The following LRRC74A variants were observed in gnomAD, a reference collection of about 807,000 sequenced individuals.
LRRC74A encodes the protein leucine-rich repeat-containing protein 74A.
A neutral mutation model predicts 57.9 loss-of-function variants in LRRC74A; 44 were observed. The observed-to-expected ratio is 0.76, with a 90% CI of 0.60 to 0.98. LRRC74A has a LOEUF of 0.98. Among genes scored for constraint, LRRC74A ranks in the 50% least tolerant of loss-of-function variants. The pLI is 0.00. For synonymous variants in LRRC74A, 211 were observed against 219.4 expected (o/e 0.96, Z 0.34); for missense variants, 572 against 574.0 (o/e 1.00, Z 0.04).
In LRRC74A at chr14:76,852,375, G is replaced by A. The variant is rs765438577; in HGVS notation, c.687G>A (p.Val229=). 1.2e-6 allele frequency: 2 copies of A among 1,610,674 alleles called. No individual in the cohort carries two copies. Among genetic ancestry groups the A allele is most frequent in the Non-Finnish European group, 1.7e-6 (2 of 1,177,672 alleles). The change falls in exon 8 of 14, where the codon GTG becomes GTA. Residue 229 remains valine (V), a synonymous_variant. Coordinates refer to ENST00000689127, the MANE Select transcript of LRRC74A (RefSeq NM_001385106.1). ...EHLGQMLAIN[V]GLTSLDLSWN... ...CCCTCCCTGTTTCAGCCATCAACGTGGGGCTCACGTCACTGGATCTGAGCT... is the reference window on the plus strand; with the variant it reads ...CCCTCCCTGTTTCAGCCATCAACGTAGGGCTCACGTCACTGGATCTGAGCT...
Position 76,828,303 on chromosome 14 carries a change from T to C in LRRC74A, c.50T>C (p.Ile17Thr). The change falls in exon 2 of 14, where the codon ATT becomes ACT. Residue 17 changes from isoleucine to threonine, a missense_variant. Transcript: ENST00000689127. ...TTTTTTCTTCCAGATGAGATTGAAATTGAGCCAGTACGACAGAGCAGCGAT... is the reference window on the plus strand; with the variant it reads ...TTTTTTCTTCCAGATGAGATTGAAACTGAGCCAGTACGACAGAGCAGCGAT... ...LQPETEDEIE[I>T]EPVRQSSDKM... is the part of the protein sequence containing the mutation. The C allele has an allele frequency of 1.3e-6, 2 of 1,595,780 alleles. No homozygotes were observed. The highest frequency in any genetic ancestry group is 2.3e-5 in the East Asian group (1 of 44,416).
Position 76,853,306 on chromosome 14 carries a change from C to T in LRRC74A, c.853C>T (p.Arg285Cys), listed in dbSNP as rs994893609. 6.2e-6 allele frequency: 10 copies of T among 1,613,296 alleles called. No homozygotes were observed. Among genetic ancestry groups the T allele is most frequent in the East Asian group, 4.5e-5 (2 of 44,868 alleles). ...CCTAGGGGAAGTCCTCCGACTCAACCGCTGCCTGGTCTACCTGGATATCGG... is the reference window on the plus strand; with the variant it reads ...CCTAGGGGAAGTCCTCCGACTCAACTGCTGCCTGGTCTACCTGGATATCGG... ...LALGEVLRLN[R>C]CLVYLDIGGN... The change falls in exon 9 of 14, where the codon CGC becomes TGC. Residue 285 changes from arginine (R) to cysteine (C), a missense_variant. Transcript: ENST00000689127.
At chr14:76,863,185 A>AGTGTGTGTGTGT (rs112669509) in intron 11 of LRRC74A, among the ~76,000 whole-genome samples, 11,697 of 145,144 alleles carry the variant, frequency 0.081, 567 homozygotes, top group African/African-American at 0.099. Flanking sequence ...CATGCATGTG[A>AGTGTGTGTGTGT]GTGTGTGTGT....
At chr14:76,850,844 CAAAA>C (rs36208311) in intron 7 of LRRC74A, among the ~76,000 whole-genome samples, 1 of 130,846 alleles carries the variant, frequency 7.6e-6, no homozygotes, top group Non-Finnish European at 1.6e-5. Context: ...AACTCTGTCT[CAAAA>C]AAAAAAAAAA....
chr14:76,836,322 GC>G lies in LRRC74A; in HGVS notation c.447+14del, dbSNP rs749806640. 7 of 1,576,996 alleles carry G rather than the reference GC, an allele frequency of 4.4e-6. No homozygotes were observed. Among genetic ancestry groups the G allele is most frequent in the Admixed American group, 3.4e-5 (2 of 59,032 alleles). On this transcript the variant is annotated intron_variant, in intron 4 of 13. Coordinates refer to ENST00000689127, the MANE Select transcript of LRRC74A (RefSeq NM_001385106.1). ...TACTACCTCCAGGAGATGGTACTGT[GC>G]CCCCCTGTGCTGGCTCTTACCATCA...
At chr14:76,850,633 G>A (rs1450685480) in intron 7 of LRRC74A, among the ~76,000 whole-genome samples, 4 of 152,046 alleles carry the variant, frequency 2.6e-5, no homozygotes, top group Non-Finnish European at 5.9e-5. Flanking sequence ...TTGGGAGTCC[G>A]AGGCGGGTGG....
intron 13 of LRRC74A, among the ~76,000 whole-genome samples, chr14:76,868,397 A>T (rs907980568): frequency 1.3e-5 from 2 of 152,230 alleles, no homozygotes; most frequent in Non-Finnish European, 2.9e-5. Context: ...TGAGCTCAGG[A>T]GGCAGAGGCT....
chr14:76,863,495 C>G (rs1426680924), intron 11 of LRRC74A, among the ~76,000 whole-genome samples: 1 of 152,142 alleles, frequency 6.6e-6, no homozygotes, highest in African/African-American at 2.4e-5. Flanking sequence ...TCATTCCTAC[C>G]CGTTCTCAGG....
At chr14:76,843,358 G>GT (rs1031785038) in intron 5 of LRRC74A, among the ~76,000 whole-genome samples, 1 of 150,604 alleles carries the variant, frequency 6.6e-6, no homozygotes, top group African/African-American at 2.4e-5. Flanking sequence ...ACTAATTTTG[G>GT]TTTTTTAAAA....
intron 5 of LRRC74A, among the ~76,000 whole-genome samples, chr14:76,840,535 G>A (rs1595358976): frequency 6.7e-6 from 1 of 148,848 alleles, no homozygotes; most frequent in African/African-American, 2.5e-5. Context: ...ATAAATATAG[G>A]TTTCCTTCTA....
intron 9 of LRRC74A, 93 bp from the exon 10 acceptor site, chr14:76,857,287 A>G (rs1380525479): frequency 8.1e-6 from 6 of 737,582 alleles, no homozygotes; most frequent in Non-Finnish European, 1.4e-5. Context: ...GGTGTGAGAC[A>G]GAGGTTGTGA....
chr14:76,837,736 C>G (rs1896458801), intron 4 of LRRC74A, 139 bp from the exon 5 acceptor site: 3 of 500,372 alleles, frequency 6.0e-6, no homozygotes, highest in Non-Finnish European at 1.1e-5. Flanking sequence ...CTTGGCACCT[C>G]CCTAATCCTC....
chr14:76,851,719 G>A (rs886720564), intron 7 of LRRC74A, among the ~76,000 whole-genome samples: 1 of 147,830 alleles, frequency 6.8e-6, no homozygotes, highest in African/African-American at 2.5e-5. Context: ...AGGCTGGAGT[G>A]CAGTGGCGTG....
At chr14:76,850,861 AAAAG>A (rs1555367244) in intron 7 of LRRC74A, among the ~76,000 whole-genome samples, 14 of 96,530 alleles carry the variant, frequency 1.5e-4, no homozygotes, top group African/African-American at 3.9e-4. Flanking sequence ...AAAAAAAAAA[AAAAG>A]AAAGAAAGAA....
At chr14:76,844,068 G>A (rs1424474932) in intron 5 of LRRC74A, among the ~76,000 whole-genome samples, 1 of 151,898 alleles carries the variant, frequency 6.6e-6, no homozygotes, top group Non-Finnish European at 1.5e-5. Context: ...GCACCAACAT[G>A]GCACACTGCA....
chr14:76,832,518 G>A (rs1338236975), intron 3 of LRRC74A, among the ~76,000 whole-genome samples: 1 of 152,156 alleles, frequency 6.6e-6, no homozygotes, highest in Non-Finnish European at 1.5e-5. Flanking sequence ...ATGTTGCCCA[G>A]GCTGGTCTCA....
intron 12 of LRRC74A, 78 bp from the exon 13 acceptor site, chr14:76,867,278 T>TGG: frequency 3.8e-6 from 1 of 260,496 alleles, no homozygotes; most frequent in South Asian, 2.5e-5. Context: ...GTTGGGGGGG[T>TGG]AGTGTGTTTG....
rs565805853 is a variant in LRRC74A, at chr14:76,870,019, G to T, written c.1392-106G>T. The T allele has an allele frequency of 9.3e-5, 114 of 1,224,478 alleles. 1 individual carries two copies. The South Asian group carries it at 1.4e-3, about 15-fold the overall frequency. The allele number at this position is 1,224,478 out of a possible 1,614,324, so 75.9% of individuals were successfully genotyped here. A position where few individuals can be genotyped will look rare whatever the true frequency, so the allele number is the denominator to read the frequency against. On this transcript the variant is annotated intron_variant, in intron 13 of 13. Transcript: ENST00000689127. ...AGCATGACCTCTAAGGCCAGAGATG[G>T]GTTTACAAATGGTCTCCTTTGGATT...
chr14:76,829,696 C>T (rs1432851420), intron 2 of LRRC74A, among the ~76,000 whole-genome samples: 2 of 152,204 alleles, frequency 1.3e-5, no homozygotes, highest in Admixed American at 6.5e-5. Context: ...ACCTTCCCTG[C>T]TTTTGCCAAC....
Sources: allele counts gnomAD v4.1 joint callset (sites outside exome capture counted in the v4.1 genomes callset), GRCh38; gene constraint gnomAD v4.1.1; transcripts MANE v1.5; gene names NCBI Gene and HGNC (gene_info 2026-07-23, HGNC 2026-07-21).